AKR1C2: variants seen among roughly 807,000 people sequenced by gnomAD.
AKR1C2 encodes 3-alpha-HSD3.
AKR1C2 carries 27 observed loss-of-function variants against 39.8 expected under a neutral mutation model. The ratio of observed to expected loss-of-function variants is 0.68; its 90% CI spans 0.50 to 0.93. AKR1C2 has a LOEUF of 0.93. Ranked by LOEUF, AKR1C2 falls within the 40% of genes least tolerant of loss-of-function variation. AKR1C2 has a pLI of 0.00. For synonymous variants in AKR1C2, 114 were observed against 137.9 expected (o/e 0.83, Z 1.22); for missense variants, 263 against 365.1 (o/e 0.72, Z 2.28).
chr10:4,996,021 GCC>G (rs1554773035), intron 5 of AKR1C2, 156 bp from the exon 6 acceptor site: 4 of 835,766 alleles, frequency 4.8e-6, no homozygotes, highest in Non-Finnish European at 5.4e-6. Context: ...TAAATTTTAT[GCC>G]CCTCTCTCCT....
upstream of AKR1C2, chr10:5,007,649 T>C (rs1449089901): frequency 6.6e-6 from 1 of 150,862 alleles, no homozygotes; most frequent in East Asian, 2.0e-4. Context: ...TTCAGGTCTT[T>C]CTTACATACA....
chr10:5,006,594 T>TA (rs1564334756), upstream of AKR1C2: 5 of 151,538 alleles, frequency 3.3e-5, no homozygotes, highest in Middle Eastern at 3.4e-3. Context: ...AAACTCCATC[T>TA]GAAAAAAACA....
At chr10:5,005,126 T>C (rs1392369939), upstream of AKR1C2, among the ~76,000 whole-genome samples, 2 of 152,028 alleles carry the variant, frequency 1.3e-5, no homozygotes, top group Non-Finnish European at 2.9e-5. Context: ...ATCTAAGCTA[T>C]TGAGGAGAAA....
In AKR1C2 at chr10:5,001,563, T is replaced by C; in HGVS notation, c.203A>G (p.Lys68Arg). The change falls in exon 2 of 9, where the codon AAG becomes AGG. Residue 68 changes from lysine to arginine, a missense_variant. By Grantham distance (26) the Lys-to-Arg change is conservative. Around this residue, in one of 3 missense-constraint regions of AKR1C2, gnomAD observed 247 missense variants for 267.9 expected, o/e 0.92. Coordinates refer to ENST00000380753, the MANE Select transcript of AKR1C2 (RefSeq NM_001393392.1). ...EEQVGLAIRS[K>R]IADGSVKRED... ...TCTCTTCACACTGCCATCTGCAATC[T>C]TGCTTCGGATGGCCAGTCCAACCTG... 1 of 1,614,012 alleles carries C rather than the reference T, an allele frequency of 6.2e-7. No individual in the cohort carries two copies. The highest frequency in any genetic ancestry group is 8.5e-7 in the Non-Finnish European group (1 of 1,179,896).
chr10:4,992,749 G>A (rs1836883980), intron 7 of AKR1C2, among the ~76,000 whole-genome samples: 1 of 152,028 alleles, frequency 6.6e-6, no homozygotes, highest in Non-Finnish European at 1.5e-5. Context: ...TCAGGAGTTA[G>A]AGAACAGCCT....
chr10:4,999,108 T>C (rs1554773502), intron 4 of AKR1C2, 92 bp downstream of exon 4: 5 of 1,486,652 alleles, frequency 3.4e-6, no homozygotes, highest in Non-Finnish European at 3.6e-6. Context: ...TTTGATCCAA[T>C]GGTGCATTTT....
At chr10:5,004,195 G>T (rs1937870), upstream of AKR1C2, among the ~76,000 whole-genome samples, 2,071 of 152,068 alleles carry the variant, frequency 0.014, 31 homozygotes, top group Non-Finnish European at 0.022. Flanking sequence ...TCTTTTTTGT[G>T]TGTGCCATGA....
At chr10:4,991,495 C>T (rs1363676736) in intron 8 of AKR1C2, among the ~76,000 whole-genome samples, 1 of 152,184 alleles carries the variant, frequency 6.6e-6, no homozygotes, top group South Asian at 2.1e-4. Context: ...TCTAATGCGA[C>T]CACATGGGCC....
intron 1 of AKR1C2, chr10:5,015,740 A>C (rs576011433): frequency 2.6e-5 from 4 of 152,332 alleles, no homozygotes; most frequent in Admixed American, 2.0e-4. Flanking sequence ...CTCTGACTGT[A>C]TTCTTGTGTA....
Position 5,003,771 on chromosome 10 carries a change from C to A in AKR1C2, c.65G>T (p.Gly22Val). The part of the protein sequence containing the change: ...DGHFMPVLGF[G>V]TYAPAEVPKS... ...TGTTACCTCTGCAGGCGCATAGGTGCCAAATCCCAGGACAGGCATGAAGTG... is the reference window on the plus strand; with the variant it reads ...TGTTACCTCTGCAGGCGCATAGGTGACAAATCCCAGGACAGGCATGAAGTG... Residue 22 changes from glycine to valine, a missense_variant, in exon 1 of 9, where the codon GGC becomes GTC. Coordinates refer to ENST00000380753, the MANE Select transcript of AKR1C2 (RefSeq NM_001393392.1). 1 of 1,613,966 alleles carries A rather than the reference C, an allele frequency of 6.2e-7. No homozygotes were observed. The highest frequency in any genetic ancestry group is 8.5e-7 in the Non-Finnish European group (1 of 1,179,954).
chr10:5,011,538 A>G (rs1197439726), intron 1 of AKR1C2, among the ~76,000 whole-genome samples: 1 of 152,220 alleles, frequency 6.6e-6, no homozygotes, highest in Non-Finnish European at 1.5e-5. Flanking sequence ...AAGATGGTCT[A>G]CAAAAACACA....
rs535250848 is a variant in AKR1C2 at position 4,993,329 on chromosome 10, A to G, written c.847-1416T>C. ...TAACTGAAGATGGAAGAGAGGCCAGATAATTGCTCATGGACATTTCATATA... is the reference window on the plus strand; with the variant it reads ...TAACTGAAGATGGAAGAGAGGCCAGGTAATTGCTCATGGACATTTCATATA... On this transcript the variant is annotated intron_variant, in intron 7 of 8. Transcript: ENST00000380753. Among the ~76,000 whole-genome samples, 4 of 152,344 alleles carry G rather than the reference A, an allele frequency of 2.6e-5. No homozygotes were observed. The East Asian group carries it at 7.7e-4, about 29-fold the overall frequency.
chr10:5,006,427 C>A (rs372153400), upstream of AKR1C2: 1 of 152,024 alleles, frequency 6.6e-6, no homozygotes, highest in Admixed American at 6.6e-5. Context: ...CATGGTGAAA[C>A]CCTATTTCTA....
At chr10:5,011,390 T>C (rs1294738233) in intron 1 of AKR1C2, among the ~76,000 whole-genome samples, 12 of 152,242 alleles carry the variant, frequency 7.9e-5, no homozygotes, top group African/African-American at 2.7e-4. Flanking sequence ...CTGTGCAATG[T>C]ATCTATGTAG....
chr10:4,989,991 C>T lies in AKR1C2; in HGVS notation c.*5G>A. The T allele has an allele frequency of 6.2e-7, 1 of 1,609,580 alleles. No individual in the cohort carries two copies. Among genetic ancestry groups the T allele is most frequent in the South Asian group, 1.1e-5 (1 of 90,370 alleles). On this transcript the variant is annotated 3_prime_UTR_variant, in exon 9 of 9. Transcript: ENST00000380753. Reference sequence around the variant, plus strand: ...TCTGGCAGACCTCATGCAATGCCCTCCATGTTAATATTCATCAGAAAATGG... The same window carrying T: ...TCTGGCAGACCTCATGCAATGCCCTTCATGTTAATATTCATCAGAAAATGG...
At chr10:5,001,024 G>C (rs1554773786) in intron 2 of AKR1C2, among the ~76,000 whole-genome samples, 1 of 152,182 alleles carries the variant, frequency 6.6e-6, no homozygotes, top group African/African-American at 2.4e-5. Flanking sequence ...AAGTATCTTT[G>C]TGGTTTGGAA....
chr10:5,006,946 G>A (rs1209043259), upstream of AKR1C2, among the ~76,000 whole-genome samples: 2 of 150,672 alleles, frequency 1.3e-5, no homozygotes, highest in Admixed American at 1.3e-4. Context: ...GCTAATTTTT[G>A]TATTTTTAGT....
At position 4,999,183 on chromosome 10, in the gene AKR1C2, C is replaced by T. The variant is rs61856066; in HGVS notation, c.447+17G>A. 126,894 of 1,594,370 alleles carry T rather than the reference C, an allele frequency of 0.08. 4,460 individuals are homozygous for T. Among genetic ancestry groups the T allele is most frequent in the Middle Eastern group, 0.11 (640 of 5,990 alleles). On this transcript the variant is annotated intron_variant, in intron 4 of 8. Coordinates refer to ENST00000380753, the MANE Select transcript of AKR1C2 (RefSeq NM_001393392.1). Reference sequence around the variant, plus strand: ...ACCTCATCTTTCTTATCCGTTCTCTCACCTCCAAACACTCACCTCCCATGT... The same window carrying T: ...ACCTCATCTTTCTTATCCGTTCTCTTACCTCCAAACACTCACCTCCCATGT...
At chr10:5,000,444 A>T (rs1316546074) in intron 3 of AKR1C2, 106 bp downstream of exon 3, 2 of 1,602,882 alleles carry the variant, frequency 1.2e-6, no homozygotes, top group African/African-American at 2.7e-5. Context: ...CTTCCATGTT[A>T]AAATCCCTAT....
Sources: allele counts gnomAD v4.1 joint callset (sites outside exome capture counted in the v4.1 genomes callset), GRCh38; gene constraint gnomAD v4.1.1; regional missense constraint gnomAD v4.1.1; transcripts MANE v1.5; gene names NCBI Gene and HGNC (gene_info 2026-07-23, HGNC 2026-07-21).